Variants in KIF16B observed in about 807,000 individuals in gnomAD.
KIF16B encodes the protein kinesin family member 16B.
KIF16B carries 98 observed loss-of-function variants against 156.3 expected under a neutral mutation model. That is an observed-to-expected ratio of 0.63 (90% CI 0.53 to 0.74). The LOEUF (loss-of-function observed/expected upper bound fraction) is 0.74. KIF16B is among the 30% of genes least tolerant of loss of function. The pLI, the probability that KIF16B is intolerant of heterozygous loss-of-function variation, is 0.00. For synonymous variants in KIF16B, 564 were observed against 583.7 expected, an observed-to-expected ratio of 0.97 and a Z score of 0.49; for missense variants, 1,421 against 1,606.5, an observed-to-expected ratio of 0.88 and a Z score of 1.97.
intron 12 of KIF16B, among the ~76,000 whole-genome samples, chr20:16,460,078 CCAGA>C (rs1482572978): frequency 2.0e-5 from 3 of 152,122 alleles, no homozygotes; most frequent in African/African-American, 7.2e-5. Flanking sequence ...CACCAGGAAC[CCAGA>C]CAGAGTCTTG....
chr20:16,555,706 T>A (rs568372495), intron 1 of KIF16B, among the ~76,000 whole-genome samples: 5 of 152,156 alleles, frequency 3.3e-5, no homozygotes, highest in African/African-American at 1.2e-4. Context: ...TGATTAGTGA[T>A]AGCTACCTCT....
At chr20:16,435,435 G>T (rs1262681801) in intron 12 of KIF16B, among the ~76,000 whole-genome samples, 1 of 152,186 alleles carries the variant, frequency 6.6e-6, no homozygotes, top group South Asian at 2.1e-4. Context: ...TTTATGTCTG[G>T]ATGTTTAAAG....
intron 12 of KIF16B, among the ~76,000 whole-genome samples, chr20:16,440,473 T>C (rs945598019): frequency 1.3e-5 from 2 of 150,810 alleles, no homozygotes; most frequent in African/African-American, 4.9e-5. Flanking sequence ...AGCCTTGCTT[T>C]TTCCATGACT....
At position 16,379,017 on chromosome 20, in the gene KIF16B, C is replaced by T; in HGVS notation, c.2985G>A (p.Glu995=). 1 of 1,612,172 alleles carries T rather than the reference C, an allele frequency of 6.2e-7. No homozygotes were observed. The highest frequency in any genetic ancestry group is 2.2e-5 in the East Asian group (1 of 44,870). The change falls in exon 19 of 26, where the codon GAG becomes GAA. Residue 995 remains glutamate, a synonymous_variant. Coordinates refer to ENST00000354981, the MANE Select transcript of KIF16B (RefSeq NM_024704.5). ...KVRKKEKEIL[E]SREKQQREAL... is the part of the protein sequence containing the mutation. Reference sequence around the variant, plus strand: ...CCTCTCTCTGCTGCTTCTCTCTGGACTCCAAAATCTCCTTTTCCTTTTTCC... The same window carrying T: ...CCTCTCTCTGCTGCTTCTCTCTGGATTCCAAAATCTCCTTTTCCTTTTTCC...
chr20:16,297,474 C>T (rs550450570), intron 25 of KIF16B, among the ~76,000 whole-genome samples: 2 of 152,228 alleles, frequency 1.3e-5, no homozygotes, highest in East Asian at 1.9e-4. Context: ...GGGCACATCA[C>T]GAGGTCAGGA....
intron 1 of KIF16B, among the ~76,000 whole-genome samples, chr20:16,534,129 G>C (rs1003259309): frequency 2.0e-5 from 3 of 151,864 alleles, no homozygotes; most frequent in African/African-American, 7.3e-5. Flanking sequence ...ATGGTGGCAG[G>C]CTCCTATAAT....
intron 11 of KIF16B, among the ~76,000 whole-genome samples, chr20:16,494,850 T>C (rs1430575939): frequency 6.6e-6 from 1 of 152,100 alleles, no homozygotes; most frequent in Non-Finnish European, 1.5e-5. Context: ...TTTTTGTTGT[T>C]GATAAAAAAA....
intron 25 of KIF16B, among the ~76,000 whole-genome samples, chr20:16,311,755 T>G (rs995719743): frequency 6.6e-6 from 1 of 151,952 alleles, no homozygotes; most frequent in African/African-American, 2.4e-5. Flanking sequence ...AGCAACTATA[T>G]CCCAAAAAAG....
rs149393541 is a variant in KIF16B, at chr20:16,380,088, C to T, written c.1914G>A (p.Glu638=). 1.3e-6 allele frequency: 2 copies of T among 1,534,326 alleles called. No homozygotes were observed. Among genetic ancestry groups the T allele is most frequent in the Admixed American group, 4.4e-5 (2 of 45,948 alleles). ...CGATTTCTGTCTCCTTGCGCTGGGT[C>T]TCCACCTCCTGCTGCATCCGCTCCA... is the stretch of plus-strand genomic sequence containing the variant. ...AELERMQQEV[E]TQRKETEIVQ... Residue 638 remains glutamate (E), a synonymous_variant, in exon 19 of 26, where the codon GAG becomes GAA. Coordinates refer to ENST00000354981, the MANE Select transcript of KIF16B (RefSeq NM_024704.5).
At chr20:16,414,524 C>T (rs1600334360) in intron 15 of KIF16B, among the ~76,000 whole-genome samples, 2 of 152,078 alleles carry the variant, frequency 1.3e-5, no homozygotes, top group East Asian at 3.9e-4. Flanking sequence ...CTCTGTTTAC[C>T]CTTAGTAAAG....
At chr20:16,361,366 T>C (rs144884011) in intron 22 of KIF16B, among the ~76,000 whole-genome samples, 3 of 152,346 alleles carry the variant, frequency 2.0e-5, no homozygotes, top group Non-Finnish European at 2.9e-5. Context: ...AAAGATAACA[T>C]GCAGGAACAA....
intron 17 of KIF16B, among the ~76,000 whole-genome samples, chr20:16,400,426 G>A (rs967343976): frequency 3.3e-5 from 5 of 152,192 alleles, no homozygotes; most frequent in Non-Finnish European, 1.5e-5. Flanking sequence ...GCAAAATGGT[G>A]CAGCTGTTGT....
At chr20:16,415,106 G>A (rs890595819) in intron 15 of KIF16B, among the ~76,000 whole-genome samples, 1 of 152,126 alleles carries the variant, frequency 6.6e-6, no homozygotes, top group Non-Finnish European at 1.5e-5. Context: ...ATCTGTATAT[G>A]GAATAGGTCT....
At chr20:16,396,632 ATGTTAAC>A (rs2065509390) in intron 17 of KIF16B, among the ~76,000 whole-genome samples, 1 of 149,012 alleles carries the variant, frequency 6.7e-6, no homozygotes, top group Non-Finnish European at 1.5e-5. Context: ...GTATGGTAAC[ATGTTAAC>A]TGTAGTCGCT....
intron 12 of KIF16B, among the ~76,000 whole-genome samples, chr20:16,477,759 T>G (rs6105612): frequency 0.38 from 57,673 of 151,902 alleles, 12,545 homozygotes; most frequent in African/African-American, 0.6. Flanking sequence ...TCTACTATAA[T>G]TATGGTTATT....
At chr20:16,344,765 C>T (rs112585032) in intron 23 of KIF16B, among the ~76,000 whole-genome samples, 21 of 152,298 alleles carry the variant, frequency 1.4e-4, no homozygotes, top group African/African-American at 4.6e-4. Flanking sequence ...CCATTCTCTG[C>T]GATGAGTATT....
intron 1 of KIF16B, among the ~76,000 whole-genome samples, chr20:16,560,495 G>A (rs1412205174): frequency 6.6e-6 from 1 of 152,170 alleles, no homozygotes; most frequent in Admixed American, 6.5e-5. Flanking sequence ...GGAGGGTTCA[G>A]AATCCTACAC....
chr20:16,556,226 T>A (rs1384688592), intron 1 of KIF16B, among the ~76,000 whole-genome samples: 1 of 152,158 alleles, frequency 6.6e-6, no homozygotes, highest in Non-Finnish European at 1.5e-5. Flanking sequence ...TAGCTGGTGA[T>A]CAGCCTCACC....
chr20:16,348,779 G>A (rs181718245), intron 23 of KIF16B, among the ~76,000 whole-genome samples: 1 of 152,310 alleles, frequency 6.6e-6, no homozygotes, highest in Admixed American at 6.5e-5. Flanking sequence ...AATTCCTAAG[G>A]TGTGCAAGCT....
Sources: gnomAD v4.1 joint callset for allele counts (sites outside exome capture counted in the v4.1 genomes callset) on GRCh38, gnomAD v4.1.1 for gene constraint, MANE v1.5 for transcripts, NCBI Gene and HGNC (gene_info 2026-07-23, HGNC 2026-07-21) for gene names.